The following MEIS1 variants were observed in gnomAD, a reference collection of about 807,000 sequenced individuals.
The protein encoded by MEIS1 is Meis homeobox 1.
In MEIS1, 5 loss-of-function variants were observed where a neutral mutation model predicts 50.8. The ratio of observed to expected loss-of-function variants is 0.10; its 90% confidence interval spans 0.05 to 0.21. MEIS1 has a LOEUF of 0.21. Among genes scored for constraint, MEIS1 ranks in the 10% least tolerant of loss-of-function variants. The probability of loss-of-function intolerance (pLI) is 1.00; values close to 1 mark genes in which losing one functional copy is unlikely to be tolerated. For missense variants in MEIS1, 318 were observed against 517.3 expected (o/e 0.61, Z 3.74); for synonymous variants, 176 against 179.3 (o/e 0.98, Z 0.15).
At chr2:66,484,141 C>T (rs946945723) in intron 7 of MEIS1, among the ~76,000 whole-genome samples, 3 of 152,082 alleles carry the variant, frequency 2.0e-5, no homozygotes, top group African/African-American at 7.2e-5. Flanking sequence ...CTATTAATTG[C>T]GACTAGAAAA....
At chr2:66,476,173 T>C (rs1178818210) in intron 7 of MEIS1, among the ~76,000 whole-genome samples, 1 of 152,128 alleles carries the variant, frequency 6.6e-6, no homozygotes, top group Non-Finnish European at 1.5e-5. Flanking sequence ...GAGGCTAAGA[T>C]GGGATGCCAG....
chr2:66,571,150 G>A, intron 12 of MEIS1, 96 bp from the exon 13 acceptor site: 1 of 1,226,852 alleles, frequency 8.2e-7, no homozygotes, highest in Non-Finnish European at 1.1e-6. Flanking sequence ...TTAATCACAG[G>A]GTTCTCTGGC....
intron 7 of MEIS1, chr2:66,496,283 A>T (rs900995270): frequency 2.6e-5 from 4 of 152,142 alleles, no homozygotes; most frequent in African/African-American, 9.7e-5. Flanking sequence ...TCTTTACTCC[A>T]GGCTGGTGAT....
chr2:66,544,363 A>G (rs1420749572), intron 8 of MEIS1, among the ~76,000 whole-genome samples: 3 of 152,194 alleles, frequency 2.0e-5, no homozygotes, highest in Non-Finnish European at 4.4e-5. Context: ...ATTAGGTTTC[A>G]GTTTAAAAGC....
intron 9 of MEIS1, among the ~76,000 whole-genome samples, chr2:66,561,108 G>C (rs530369953): frequency 4.6e-5 from 7 of 152,188 alleles, no homozygotes; most frequent in Admixed American, 4.6e-4. Flanking sequence ...CTAAAATAAA[G>C]AGTTCCAACA....
Position 66,571,288 on chromosome 2 carries a change from C to A in MEIS1, c.*80C>A. On this transcript the variant is annotated 3_prime_UTR_variant, in exon 13 of 13. Transcript: ENST00000272369. The stretch of plus-strand genomic sequence containing the variant: ...GGGGAGTATGTAGCCCGGGGTGGTC[C>A]AATGGGTGTGAGTATGGGACAGCCA... 1 of 1,597,488 alleles carries A rather than the reference C, an allele frequency of 6.3e-7. No individual in the cohort carries two copies. The highest frequency in any genetic ancestry group is 2.3e-5 in the East Asian group (1 of 44,108).
In MEIS1 at chr2:66,443,043, G is replaced by A. The variant is rs781493613; in HGVS notation, c.625G>A (p.Asp209Asn). ...TATAACAAGATCAGCAAATCTAACT[G>A]ACCAGGTATGCGCTTTTCAATTTCA... ...EDITRSANLTDQPSWNRDHDD... is the reference protein window; with the variant it reads ...EDITRSANLTNQPSWNRDHDD... Residue 209 changes from aspartate (D) to asparagine (N), a missense_variant, in exon 6 of 13, where the codon GAC becomes AAC. Coordinates refer to ENST00000272369, the MANE Select transcript of MEIS1 (RefSeq NM_002398.3). 5.6e-6 allele frequency: 9 copies of A among 1,593,212 alleles called. No homozygotes were observed. Among genetic ancestry groups the A allele is most frequent in the Non-Finnish European group, 6.8e-6 (8 of 1,173,082 alleles).
chr2:66,490,005 A>C (rs764845460), intron 7 of MEIS1, among the ~76,000 whole-genome samples: 1 of 152,220 alleles, frequency 6.6e-6, no homozygotes, highest in Non-Finnish European at 1.5e-5. Context: ...GGATTGCATA[A>C]AACTGCTTAA....
Position 66,571,801 on chromosome 2 carries a change from A to T in MEIS1, c.*593A>T, listed in dbSNP as rs1675494541. The T allele has an allele frequency of 2.6e-6, 1 of 390,186 alleles. No homozygotes were observed. The highest frequency in any genetic ancestry group is 4.7e-5 in the Admixed American group (1 of 21,256). The allele number at this position is 390,186 out of a possible 1,614,324, so 24.2% of individuals were successfully genotyped here. ...TACGTTGTTTCTTATAGATTTTTTA[A>T]AAAAAATGTGAAATTTTTCCACACT... On this transcript the variant is annotated 3_prime_UTR_variant, in exon 13 of 13. Coordinates refer to ENST00000272369, the MANE Select transcript of MEIS1 (RefSeq NM_002398.3).
chr2:66,447,971 C>T (rs1311826939), intron 6 of MEIS1, among the ~76,000 whole-genome samples: 1 of 152,160 alleles, frequency 6.6e-6, no homozygotes, highest in Non-Finnish European at 1.5e-5. Flanking sequence ...ATTTAACTAG[C>T]TCCATGGCAG....
intron 8 of MEIS1, among the ~76,000 whole-genome samples, chr2:66,522,833 C>A (rs886949806): frequency 3.9e-4 from 59 of 152,134 alleles, no homozygotes; most frequent in Non-Finnish European, 7.3e-5. Flanking sequence ...TATTTAGTGA[C>A]CGCATAGGAA....
chr2:66,478,673 G>A (rs918081452), intron 7 of MEIS1, among the ~76,000 whole-genome samples: 3 of 152,190 alleles, frequency 2.0e-5, no homozygotes, highest in Admixed American at 1.3e-4. Context: ...GTTTTTGAAT[G>A]TAGCAACCAT....
rs575886187 is a variant in MEIS1 at position 66,521,218 on chromosome 2, C to T, written c.888+8924C>T. ...TCAGATTTTCAACATTATTTAACTG[C>T]TCCTCCTTCCTTACAGAAATATGTA... On this transcript the variant is annotated intron_variant, in intron 8 of 12. Transcript: ENST00000272369. Among the ~76,000 whole-genome samples, 10 of 152,320 alleles carry T rather than the reference C, an allele frequency of 6.6e-5. No individual in the cohort carries two copies. The South Asian group carries it at 1.7e-3, about 25-fold the overall frequency.
chr2:66,439,698 G>A, intron 2 of MEIS1, 145 bp from the exon 3 acceptor site: 3 of 1,544,738 alleles, frequency 1.9e-6, no homozygotes, highest in African/African-American at 1.4e-5. Context: ...GTCTGGGGGA[G>A]GGGGAGGAAA....
chr2:66,461,810 G>A (rs1016783978), intron 6 of MEIS1: 20 of 466,458 alleles, frequency 4.3e-5, no homozygotes, highest in Non-Finnish European at 7.1e-5. Flanking sequence ...AGATCATAGC[G>A]GAATCAGAAT....
rs144285642 is a variant in MEIS1, at chr2:66,448,833, T to A, written c.630+5785T>A. 5.9e-5 allele frequency among the ~76,000 whole-genome samples: 9 copies of A among 152,268 alleles called. No homozygotes were observed. The East Asian group carries it at 1.5e-3, about 26-fold the overall frequency. ...ATAAGACTTCCTGTAAGAAGGTCTATAATTCAAAATTATTTGACTCCACTG... is the reference window on the plus strand; with the variant it reads ...ATAAGACTTCCTGTAAGAAGGTCTAAAATTCAAAATTATTTGACTCCACTG... On this transcript the variant is annotated intron_variant, in intron 6 of 12. Coordinates refer to ENST00000272369, the MANE Select transcript of MEIS1 (RefSeq NM_002398.3).
intron 6 of MEIS1, among the ~76,000 whole-genome samples, chr2:66,450,817 C>G (rs890264663): frequency 1.3e-5 from 2 of 152,118 alleles, no homozygotes; most frequent in Non-Finnish European, 2.9e-5. Context: ...TTTCCTTACA[C>G]TTTACAATAT....
chr2:66,497,891 C>G (rs995897932), intron 7 of MEIS1, among the ~76,000 whole-genome samples: 51 of 152,216 alleles, frequency 3.4e-4, no homozygotes, highest in Non-Finnish European at 6.0e-4. Context: ...TGGCTGCCAG[C>G]TTAATGTGAT....
At chr2:66,569,201 G>T in intron 12 of MEIS1, 56 bp downstream of exon 12, 2 of 1,450,940 alleles carry the variant, frequency 1.4e-6, no homozygotes, top group African/African-American at 1.4e-5. Context: ...TTTTCCTCTT[G>T]CATTTTCTTA....
Sources: gnomAD v4.1 joint callset for allele counts (sites outside exome capture counted in the v4.1 genomes callset) on GRCh38, gnomAD v4.1.1 for gene constraint, MANE v1.5 for transcripts, NCBI Gene and HGNC (gene_info 2026-07-23, HGNC 2026-07-21) for gene names.